Variants in IGFBP7 observed in about 807,000 individuals in gnomAD.
IGFBP7 encodes insulin like growth factor binding protein 7.
A neutral mutation model predicts 29.4 loss-of-function variants in IGFBP7; 31 were observed. That is an observed-to-expected ratio of 1.05 (90% CI 0.79 to 1.42). IGFBP7 has a LOEUF of 1.42. Among genes scored for constraint, IGFBP7 ranks in the 40% most tolerant of loss-of-function variants. The pLI, the probability that IGFBP7 is intolerant of heterozygous loss-of-function variation, is 0.00. For missense variants in IGFBP7, 393 were observed against 395.5 expected, an observed-to-expected ratio of 0.99 and a Z score of 0.05; for synonymous variants, 172 against 174.9, an observed-to-expected ratio of 0.98 and a Z score of 0.13.
At chr4:57,053,367 TA>T (rs1192636140) in intron 1 of IGFBP7, among the ~76,000 whole-genome samples, 10 of 151,826 alleles carry the variant, frequency 6.6e-5, no homozygotes, top group African/African-American at 2.2e-4. Flanking sequence ...GGTCTAGCAT[TA>T]AAAAAAAGTG....
At chr4:57,090,299 C>G (rs1457920129) in intron 1 of IGFBP7, among the ~76,000 whole-genome samples, 2 of 152,134 alleles carry the variant, frequency 1.3e-5, no homozygotes, top group African/African-American at 4.8e-5. Context: ...CCATGAGAAA[C>G]GTAGTATTTC....
chr4:57,089,574 C>G (rs1354027728), intron 1 of IGFBP7, among the ~76,000 whole-genome samples: 1 of 152,202 alleles, frequency 6.6e-6, no homozygotes, highest in Non-Finnish European at 1.5e-5. Flanking sequence ...CTGATGGGGT[C>G]TGTGGTCTCT....
intron 2 of IGFBP7, among the ~76,000 whole-genome samples, chr4:57,033,529 C>G (rs1369194585): frequency 1.3e-5 from 2 of 152,102 alleles, no homozygotes; most frequent in African/African-American, 4.8e-5. Context: ...ATGTTTTAAA[C>G]TAATGTATTT....
At chr4:57,107,523 T>G (rs1173590865) in intron 1 of IGFBP7, among the ~76,000 whole-genome samples, 1 of 152,144 alleles carries the variant, frequency 6.6e-6, no homozygotes, top group Non-Finnish European at 1.5e-5. Context: ...GAAGAAATAT[T>G]TAGGGGATGT....
intron 1 of IGFBP7, chr4:57,072,833 C>T (rs1335332099): frequency 2.9e-5 from 17 of 589,146 alleles, no homozygotes; most frequent in Non-Finnish European, 5.6e-5. Flanking sequence ...GAGGTATAAG[C>T]TCTCCCTAGA....
intron 1 of IGFBP7, among the ~76,000 whole-genome samples, chr4:57,103,623 C>G (rs909249459): frequency 3.8e-5 from 5 of 131,104 alleles, no homozygotes; most frequent in African/African-American, 8.4e-5. Context: ...CATTTAAAGT[C>G]TATGATCTTA....
At chr4:57,034,162 G>A (rs868294348) in intron 2 of IGFBP7, among the ~76,000 whole-genome samples, 5 of 151,914 alleles carry the variant, frequency 3.3e-5, no homozygotes, top group South Asian at 2.1e-4. Context: ...AAGAAACTCA[G>A]TTTCTTTGGT....
At chr4:57,084,270 G>A (rs905944647) in intron 1 of IGFBP7, among the ~76,000 whole-genome samples, 6 of 152,156 alleles carry the variant, frequency 3.9e-5, no homozygotes, top group East Asian at 1.9e-4. Context: ...TGAAGTCACT[G>A]AATTGTATAC....
intron 1 of IGFBP7, among the ~76,000 whole-genome samples, chr4:57,101,743 G>C (rs1238165315): frequency 7.7e-6 from 1 of 130,614 alleles, no homozygotes; most frequent in East Asian, 2.1e-4. Flanking sequence ...TTTTCTCTCA[G>C]AGGCCTGGTG....
At chr4:57,066,782 C>T (rs894029642) in intron 1 of IGFBP7, among the ~76,000 whole-genome samples, 1 of 151,840 alleles carries the variant, frequency 6.6e-6, no homozygotes, top group East Asian at 1.9e-4. Flanking sequence ...GGGCTGGTTT[C>T]GAACTCCTGA....
intron 1 of IGFBP7, among the ~76,000 whole-genome samples, chr4:57,069,354 C>T (rs1043175314): frequency 1.3e-4 from 19 of 151,994 alleles, no homozygotes; most frequent in Admixed American, 2.0e-4. Context: ...TTTGGGAGGC[C>T]GAGGTGAGAG....
At chr4:57,072,767 CT>C (rs1242485828) in intron 1 of IGFBP7, 4 of 519,016 alleles carry the variant, frequency 7.7e-6, no homozygotes, top group African/African-American at 3.9e-5. Context: ...ATCAGGCAAC[CT>C]TTTCAAATGG....
intron 1 of IGFBP7, among the ~76,000 whole-genome samples, chr4:57,052,918 T>C (rs1371662218): frequency 1.3e-5 from 2 of 152,246 alleles, no homozygotes; most frequent in Non-Finnish European, 1.5e-5. Flanking sequence ...ATTATCACTG[T>C]AATTTTGAAT....
At chr4:57,106,149 G>A (rs1000134709) in intron 1 of IGFBP7, among the ~76,000 whole-genome samples, 29 of 152,130 alleles carry the variant, frequency 1.9e-4, no homozygotes, top group African/African-American at 5.8e-4. Flanking sequence ...CTCGTGATCC[G>A]CCCGCCTCGG....
At chr4:57,047,535 C>T (rs1259572647) in intron 1 of IGFBP7, among the ~76,000 whole-genome samples, 1 of 152,066 alleles carries the variant, frequency 6.6e-6, no homozygotes, top group Non-Finnish European at 1.5e-5. Context: ...AAAGTTCTAA[C>T]CTTGGAAGAA....
At chr4:57,047,171 T>A (rs1724383501) in intron 1 of IGFBP7, among the ~76,000 whole-genome samples, 1 of 152,182 alleles carries the variant, frequency 6.6e-6, no homozygotes, top group Admixed American at 6.5e-5. Context: ...CGGTGGAAGG[T>A]AATTGAATCA....
At chr4:57,064,044 G>T (rs958767826) in intron 1 of IGFBP7, among the ~76,000 whole-genome samples, 1 of 152,120 alleles carries the variant, frequency 6.6e-6, no homozygotes, top group African/African-American at 2.4e-5. Context: ...TTAGAGTAAC[G>T]ATTGAAAACT....
intron 1 of IGFBP7, among the ~76,000 whole-genome samples, chr4:57,089,722 C>T (rs1466842655): frequency 6.6e-6 from 1 of 152,190 alleles, no homozygotes; most frequent in Non-Finnish European, 1.5e-5. Context: ...CCACCCCCTT[C>T]TCTGTCTCTT....
At chr4:57,104,422 G>A (rs1378864999) in intron 1 of IGFBP7, among the ~76,000 whole-genome samples, 1 of 152,098 alleles carries the variant, frequency 6.6e-6, no homozygotes, top group Non-Finnish European at 1.5e-5. Context: ...TTAGTTTAGT[G>A]AAGTATTACA....
Sources: allele counts gnomAD v4.1 joint callset (sites outside exome capture counted in the v4.1 genomes callset), GRCh38; gene constraint gnomAD v4.1.1; transcripts MANE v1.5; gene names NCBI Gene and HGNC (gene_info 2026-07-23, HGNC 2026-07-21).